Variants in SEC14L5 observed in about 807,000 individuals in gnomAD.
SEC14L5 encodes SEC14-like protein 5.
SEC14L5 carries 96 observed loss-of-function variants against 84.6 expected under a neutral mutation model. The ratio of observed to expected loss-of-function variants is 1.13; its 90% CI spans 0.96 to 1.34. The LOEUF (loss-of-function observed/expected upper bound fraction) is 1.34. SEC14L5 is among the 40% of genes most tolerant of loss of function. The pLI, the probability that SEC14L5 is intolerant of heterozygous loss-of-function variation, is 0.00. For synonymous variants in SEC14L5, 546 were observed against 383.4 expected (o/e 1.42, Z -4.95); for missense variants, 1,224 against 942.5 (o/e 1.30, Z -3.91).
At position 5,015,355 on chromosome 16, in the gene SEC14L5, T is replaced by C. The variant is rs1008072; in HGVS notation, c.*385T>C. The C allele has an allele frequency of 1, 190,732 of 190,910 alleles. 95,277 individuals are homozygous for C. Among genetic ancestry groups the C allele is most frequent in the Middle Eastern group, 1 (478 of 478 alleles). The allele number at this position is 190,910 out of a possible 1,614,324, so 11.8% of individuals were successfully genotyped here. On this transcript the variant is annotated 3_prime_UTR_variant, in exon 16 of 16. Transcript: ENST00000251170. ...CACTATCAGGTGCCCTTCTCCTCCC[T>C]GCAGCTTGCCTGCATAAGAGAGCCT...
chr16:4,988,561 C>T (rs935740602), intron 4 of SEC14L5, among the ~76,000 whole-genome samples: 2 of 152,186 alleles, frequency 1.3e-5, no homozygotes, highest in African/African-American at 4.8e-5. Context: ...TGTGTTTTAT[C>T]TGTTAAATCT....
chr16:5,009,157 C>G (rs571951055), intron 14 of SEC14L5, among the ~76,000 whole-genome samples: 151 of 152,246 alleles, frequency 9.9e-4, no homozygotes, highest in African/African-American at 3.4e-3. Flanking sequence ...TCCTGGCAAT[C>G]CTGGGTGTCA....
In SEC14L5 at chr16:4,976,197, C is replaced by G. The variant is rs182036887; in HGVS notation, c.64-11360C>G. On this transcript the variant is annotated intron_variant, in intron 2 of 15. Coordinates refer to ENST00000251170, the MANE Select transcript of SEC14L5 (RefSeq NM_014692.2). ...ACTCCTTTATTCTTCTGACAAGTAG[C>G]AAGGTAGCTACTTTTCTTACTTCCC... 3.1e-3 allele frequency among the ~76,000 whole-genome samples: 479 copies of G among 152,278 alleles called. 1 individual carries two copies. The highest frequency in any genetic ancestry group is 3.7e-3 in the Non-Finnish European group (252 of 68,038).
Position 5,000,665 on chromosome 16 carries a change from C to T in SEC14L5, c.981C>T (p.Pro327=), listed in dbSNP as rs1424918875. 1.9e-6 allele frequency: 3 copies of T among 1,551,386 alleles called. No individual in the cohort carries two copies. The highest frequency in any genetic ancestry group is 2.6e-6 in the Non-Finnish European group (3 of 1,147,132). ...GWHYQDIDGR[P]LYILRLGQMD... ...GCCCCATCCACAAAGATGGCCGCCC[C>T]CTCTACATCCTCCGCCTGGGCCAGA... is the stretch of plus-strand genomic sequence containing the variant. The change falls in exon 9 of 16, where the codon CCC becomes CCT. Residue 327 remains proline, a synonymous_variant. Coordinates refer to ENST00000251170, the MANE Select transcript of SEC14L5 (RefSeq NM_014692.2).
At position 4,973,858 on chromosome 16, in the gene SEC14L5, A is replaced by C. The variant is rs150584399; in HGVS notation, c.64-13699A>C. The stretch of plus-strand genomic sequence containing the variant: ...CCACCATGCCCAGCTAATGTTTTGT[A>C]TTTTTAGTAGAGATGGGGTTTCGCC... On this transcript the variant is annotated intron_variant, in intron 2 of 15. Coordinates refer to ENST00000251170, the MANE Select transcript of SEC14L5 (RefSeq NM_014692.2). 3.8e-3 allele frequency among the ~76,000 whole-genome samples: 574 copies of C among 151,606 alleles called. 4 individuals carry two copies. Among genetic ancestry groups the C allele is most frequent in the Non-Finnish European group, 5.9e-3 (401 of 67,830 alleles).
intron 2 of SEC14L5, among the ~76,000 whole-genome samples, chr16:4,980,014 A>C (rs1955401005): frequency 6.6e-6 from 1 of 152,182 alleles, no homozygotes; most frequent in African/African-American, 2.4e-5. Flanking sequence ...ACAGTGATTC[A>C]GGGTTGTCGT....
intron 13 of SEC14L5, among the ~76,000 whole-genome samples, chr16:5,007,907 C>CTTTT (rs1191230078): frequency 9.1e-6 from 1 of 110,104 alleles, no homozygotes; most frequent in African/African-American, 3.5e-5. Context: ...CGCCTGGCCT[C>CTTTT]TTTTTTTTTT....
chr16:4,976,207 A>G (rs868755496), intron 2 of SEC14L5, among the ~76,000 whole-genome samples: 22 of 152,202 alleles, frequency 1.4e-4, no homozygotes, highest in Admixed American at 5.2e-4. Context: ...CAAGGTAGCT[A>G]CTTTTCTTAC....
At chr16:5,003,994 A>G (rs535290902) in intron 11 of SEC14L5, among the ~76,000 whole-genome samples, 110 of 152,276 alleles carry the variant, frequency 7.2e-4, no homozygotes, top group African/African-American at 2.5e-3. Context: ...GCACACATAC[A>G]CCCACGCCCA....
chr16:4,965,102 G>T (rs541101492), intron 2 of SEC14L5, among the ~76,000 whole-genome samples: 1 of 152,086 alleles, frequency 6.6e-6, no homozygotes, highest in Non-Finnish European at 1.5e-5. Context: ...TGTCTTTAAC[G>T]TATACATCTT....
chr16:4,962,457 G>A (rs895933950), intron 2 of SEC14L5, among the ~76,000 whole-genome samples: 3 of 152,098 alleles, frequency 2.0e-5, no homozygotes, highest in Admixed American at 6.6e-5. Flanking sequence ...GGAGGCTAAG[G>A]CGGGCGGACC....
intron 8 of SEC14L5, 142 bp downstream of exon 8, chr16:4,997,186 C>T: frequency 1.8e-6 from 1 of 566,800 alleles, no homozygotes; most frequent in East Asian, 3.5e-5. Flanking sequence ...ATAATCTCCG[C>T]TTCCCGGGTT....
chr16:4,977,473 A>AAAAAAAG (rs147764753), intron 2 of SEC14L5, among the ~76,000 whole-genome samples: 53,422 of 128,516 alleles, frequency 0.42, 11,353 homozygotes, highest in Non-Finnish European at 0.48. Context: ...AAAAAAAGGA[A>AAAAAAAG]AAAAAAAGAA....
intron 2 of SEC14L5, among the ~76,000 whole-genome samples, chr16:4,975,496 A>G (rs985481536): frequency 1.4e-5 from 2 of 147,438 alleles, no homozygotes; most frequent in African/African-American, 5.0e-5. Flanking sequence ...AAAAAAAGAC[A>G]TTATTTTGTT....
chr16:4,972,425 C>G (rs1380957968), intron 2 of SEC14L5, among the ~76,000 whole-genome samples: 1 of 152,336 alleles, frequency 6.6e-6, no homozygotes, highest in East Asian at 1.9e-4. Context: ...TCTCCACTGT[C>G]CATCTCCAGA....
intron 15 of SEC14L5, among the ~76,000 whole-genome samples, chr16:5,014,502 C>T (rs780884710): frequency 1.3e-5 from 2 of 152,224 alleles, no homozygotes; most frequent in Non-Finnish European, 2.9e-5. Context: ...CACACGAAGG[C>T]CACTGCAAGA....
At position 4,996,400 on chromosome 16, in the gene SEC14L5, C is replaced by T. The variant is rs920096725; in HGVS notation, c.720C>T (p.Pro240=). The stretch of plus-strand genomic sequence containing the variant: ...AGAGGTGCCTGGGCCACCTCACGCC[C>T]ATGCAGGAGAGCTGCCTGATCCAGC... ...YIERCLGHLT[P]MQESCLIQLR... Residue 240 remains proline, a synonymous_variant, in exon 7 of 16, where the codon CCC becomes CCT. Coordinates refer to ENST00000251170, the MANE Select transcript of SEC14L5 (RefSeq NM_014692.2). 1.9e-6 allele frequency: 3 copies of T among 1,573,388 alleles called. No individual in the cohort carries two copies. Among genetic ancestry groups the T allele is most frequent in the South Asian group, 2.3e-5 (2 of 85,126 alleles).
chr16:4,988,417 A>C lies in SEC14L5; in HGVS notation c.345+137A>C, dbSNP rs749106515. The C allele has an allele frequency of 1.3e-3, 1,396 of 1,087,950 alleles. 4 individuals carry two copies. The highest frequency in any genetic ancestry group is 1.6e-3 in the Non-Finnish European group (1,260 of 776,764). 67.4% of individuals were successfully genotyped at this position (1,087,950 alleles called of 1,614,324 possible). A position where few individuals can be genotyped will look rare whatever the true frequency, so the allele number is the denominator to read the frequency against. On this transcript the variant is annotated intron_variant, in intron 4 of 15. Coordinates refer to ENST00000251170, the MANE Select transcript of SEC14L5 (RefSeq NM_014692.2). ...CCTGGGGCATTGTCAAGAAAGATGC[A>C]GGATGCTTGGTTGCCTTTGCATTCC...
intron 8 of SEC14L5, among the ~76,000 whole-genome samples, chr16:4,997,556 G>T (rs1178945411): frequency 6.6e-6 from 1 of 152,198 alleles, no homozygotes; most frequent in African/African-American, 2.4e-5. Context: ...TCTCCACTGG[G>T]CTGAGTGAGC....
Sources: gnomAD v4.1 joint callset for allele counts (sites outside exome capture counted in the v4.1 genomes callset) on GRCh38, gnomAD v4.1.1 for gene constraint, MANE v1.5 for transcripts, NCBI Gene and HGNC (gene_info 2026-07-23, HGNC 2026-07-21) for gene names.